Variants in CALHM5 observed in about 807,000 individuals in gnomAD.
CALHM5 encodes the protein calcium homeostasis modulator protein 5.
CALHM5 carries 17 observed loss-of-function variants against 20.9 expected under a neutral mutation model. The ratio of observed to expected loss-of-function variants is 0.82; its 90% CI spans 0.56 to 1.22. The LOEUF (loss-of-function observed/expected upper bound fraction) is 1.22. Ranked by LOEUF, CALHM5 falls within the 50% of genes most tolerant of loss-of-function variation. The probability of loss-of-function intolerance (pLI) is 0.00; values close to 1 mark genes in which losing one functional copy is unlikely to be tolerated. For synonymous variants in CALHM5, 148 were observed against 140.0 expected (o/e 1.06, Z -0.40); for missense variants, 360 against 364.6 (o/e 0.99, Z 0.10).
Position 116,517,242 on chromosome 6 carries a change from C to G in CALHM5, c.*1253C>G, listed in dbSNP as rs566112766. 6.6e-6 allele frequency: 1 copy of G among 152,058 alleles called. No homozygotes were observed. The highest frequency in any genetic ancestry group is 1.5e-5 in the Non-Finnish European group (1 of 68,030). The allele number at this position is 152,058 out of a possible 1,614,324, so 9.4% of individuals were successfully genotyped here. ...ATTGGGGGAGACACAAACATTCAGA[C>G]TATAGTAGGGTAAATTGACCTTGGC... On this transcript the variant is annotated 3_prime_UTR_variant, in exon 2 of 2. Transcript: ENST00000368599.
In CALHM5 at chr6:116,517,241, A is replaced by G. The variant is rs1375759167; in HGVS notation, c.*1252A>G. The G allele has an allele frequency of 6.6e-6, 1 of 152,120 alleles. No homozygotes were observed. Among genetic ancestry groups the G allele is most frequent in the Non-Finnish European group, 1.5e-5 (1 of 68,034 alleles). 9.4% of individuals were successfully genotyped at this position (152,120 alleles called of 1,614,324 possible). A position where few individuals can be genotyped will look rare whatever the true frequency, so the allele number is the denominator to read the frequency against. ...AATTGGGGGAGACACAAACATTCAG[A>G]CTATAGTAGGGTAAATTGACCTTGG... On this transcript the variant is annotated 3_prime_UTR_variant, in exon 2 of 2. Transcript: ENST00000368599.
chr6:116,515,876 C>T lies in CALHM5; in HGVS notation c.817C>T (p.Gln273Ter). The T allele has an allele frequency of 1.2e-6, 2 of 1,613,910 alleles. No homozygotes were observed. The highest frequency in any genetic ancestry group is 1.7e-6 in the Non-Finnish European group (2 of 1,179,908). ...EAASELHSFH[Q>*]SQQHYSTLHR... ...TGCTTCAGAGCTGCATTCTTTCCACCAAAGCCAGCAACACTATAGCACCCT... is the reference window on the plus strand; with the variant it reads ...TGCTTCAGAGCTGCATTCTTTCCACTAAAGCCAGCAACACTATAGCACCCT... The change falls in exon 2 of 2, where the codon CAA (glutamine) becomes TAA (stop). Residue 273 changes from glutamine to a stop codon, truncating the protein, a stop_gained. Coordinates refer to ENST00000368599, the MANE Select transcript of CALHM5 (RefSeq NM_153711.5). LOFTEE classifies it low-confidence loss of function (END_TRUNC).
At position 116,511,894 on chromosome 6, in the gene CALHM5, A is replaced by G; in HGVS notation, c.198A>G (p.Gly66=). 6.2e-7 allele frequency: 1 copy of G among 1,613,912 alleles called. No homozygotes were observed. Among genetic ancestry groups the G allele is most frequent in the Non-Finnish European group, 8.5e-7 (1 of 1,179,968 alleles). Residue 66 remains glycine, a synonymous_variant, in exon 1 of 2, where the codon GGA becomes GGG. Transcript: ENST00000368599. The stretch of plus-strand genomic sequence containing the variant: ...CTGCCTGGGTGTTACTGATCCTGGG[A>G]TTCTTTCTGAACAATAGGTCGTGGA... ...FAPAWVLLIL[G]FFLNNRSWRL...
Position 116,516,145 on chromosome 6 carries a change from G to A in CALHM5, c.*156G>A, listed in dbSNP as rs951073942. 39 of 1,019,840 alleles carry A rather than the reference G, an allele frequency of 3.8e-5. No homozygotes were observed. The highest frequency in any genetic ancestry group is 5.3e-5 in the Non-Finnish European group (39 of 741,514). 63.2% of individuals were successfully genotyped at this position (1,019,840 alleles called of 1,614,324 possible). A position where few individuals can be genotyped will look rare whatever the true frequency, so the allele number is the denominator to read the frequency against. ...AAGGAAACTGCTTTGAAGCTCTCAAGTGGAACATCAGGATGTGCTCAAATT... is the reference window on the plus strand; with the variant it reads ...AAGGAAACTGCTTTGAAGCTCTCAAATGGAACATCAGGATGTGCTCAAATT... On this transcript the variant is annotated 3_prime_UTR_variant, in exon 2 of 2. Transcript: ENST00000368599.
At position 116,521,388 on chromosome 6, in the gene CALHM5, A is replaced by C. The variant is rs547194449; in HGVS notation, c.*5399A>C. On this transcript the variant is annotated 3_prime_UTR_variant, in exon 2 of 2. Coordinates refer to ENST00000368599, the MANE Select transcript of CALHM5 (RefSeq NM_153711.5). Reference sequence around the variant, plus strand: ...GAGAACCAGGGGAGTTGATGGTACAAATCCCAGAGCCAAAGGCAAAGGAAC... The same window carrying C: ...GAGAACCAGGGGAGTTGATGGTACACATCCCAGAGCCAAAGGCAAAGGAAC... The C allele has an allele frequency of 2.6e-5, 4 of 152,230 alleles. No individual in the cohort carries two copies. The highest frequency in any genetic ancestry group is 1.3e-4 in the Admixed American group (2 of 15,288). 9.4% of individuals were successfully genotyped at this position (152,230 alleles called of 1,614,324 possible).
Position 116,518,820 on chromosome 6 carries a change from A to G in CALHM5, c.*2831A>G, listed in dbSNP as rs1772279227. 1 of 152,224 alleles carries G rather than the reference A, an allele frequency of 6.6e-6. No individual in the cohort carries two copies. Among genetic ancestry groups the G allele is most frequent in the Admixed American group, 6.5e-5 (1 of 15,276 alleles). 9.4% of individuals were successfully genotyped at this position (152,224 alleles called of 1,614,324 possible). ...CATGACAATGACTGCCTCATTCAAG[A>G]AAACCCAAGCTGACTGGCAAGAAGC... On this transcript the variant is annotated 3_prime_UTR_variant, in exon 2 of 2. Coordinates refer to ENST00000368599, the MANE Select transcript of CALHM5 (RefSeq NM_153711.5).
rs1449990091 is a variant in CALHM5, at chr6:116,523,439, T to C, written c.*7450T>C. ...TGTCTGAGTACGTGAAAAGCTATTG[T>C]CTTATGCTTATTAATTTTATCTCTC... On this transcript the variant is annotated 3_prime_UTR_variant, in exon 2 of 2. Transcript: ENST00000368599. 6.6e-6 allele frequency: 1 copy of C among 152,258 alleles called. No homozygotes were observed. Among genetic ancestry groups the C allele is most frequent in the Non-Finnish European group, 1.5e-5 (1 of 68,042 alleles). The allele number at this position is 152,258 out of a possible 1,614,324, so 9.4% of individuals were successfully genotyped here.
Position 116,516,964 on chromosome 6 carries a change from G to T in CALHM5, c.*975G>T, listed in dbSNP as rs1772240881. ...ACAAAATAGAAATTTATTTCTCACAGTTCTGGAGGCTGGGAAGTCCGAGGT... is the reference window on the plus strand; with the variant it reads ...ACAAAATAGAAATTTATTTCTCACATTTCTGGAGGCTGGGAAGTCCGAGGT... On this transcript the variant is annotated 3_prime_UTR_variant, in exon 2 of 2. Coordinates refer to ENST00000368599, the MANE Select transcript of CALHM5 (RefSeq NM_153711.5). 3 of 153,008 alleles carry T rather than the reference G, an allele frequency of 2.0e-5. No individual in the cohort carries two copies. The Admixed American group carries it at 2.0e-4, about 10-fold the overall frequency. 9.5% of individuals were successfully genotyped at this position (153,008 alleles called of 1,614,324 possible).
At position 116,520,065 on chromosome 6, in the gene CALHM5, T is replaced by A. The variant is rs1562342215; in HGVS notation, c.*4076T>A. Reference sequence around the variant, plus strand: ...AAATATATGTGTCCAAAGCAACTTTTAAAATTTTTGTATGGTTTTCTACTT... The same window carrying A: ...AAATATATGTGTCCAAAGCAACTTTAAAAATTTTTGTATGGTTTTCTACTT... On this transcript the variant is annotated 3_prime_UTR_variant, in exon 2 of 2. Transcript: ENST00000368599. 1 of 152,228 alleles carries A rather than the reference T, an allele frequency of 6.6e-6. No individual in the cohort carries two copies. The highest frequency in any genetic ancestry group is 1.5e-5 in the Non-Finnish European group (1 of 68,040). The allele number at this position is 152,228 out of a possible 1,614,324, so 9.4% of individuals were successfully genotyped here.
chr6:116,514,382 G>GTA (rs1772181821), intron 1 of CALHM5, among the ~76,000 whole-genome samples: 1 of 152,184 alleles, frequency 6.6e-6, no homozygotes, highest in African/African-American at 2.4e-5. Context: ...TCACTTGATG[G>GTA]TAGTTGTGCC....
chr6:116,511,828 C>A lies in CALHM5; in HGVS notation c.132C>A (p.Ser44Arg). ...FSVVAFKCPC[S>R]TENMTYGLVF... ...TTGTGGCTTTTAAGTGCCCCTGCAGCACTGAGAATATGACCTATGGGCTGG... is the reference window on the plus strand; with the variant it reads ...TTGTGGCTTTTAAGTGCCCCTGCAGAACTGAGAATATGACCTATGGGCTGG... The change falls in exon 1 of 2, where the codon AGC becomes AGA. Residue 44 changes from serine (S) to arginine (R), a missense_variant. Coordinates refer to ENST00000368599, the MANE Select transcript of CALHM5 (RefSeq NM_153711.5). 6.2e-7 allele frequency: 1 copy of A among 1,614,078 alleles called. No homozygotes were observed. Among genetic ancestry groups the A allele is most frequent in the Non-Finnish European group, 8.5e-7 (1 of 1,180,002 alleles).
chr6:116,515,488 G>T (rs1266093595), intron 1 of CALHM5, 112 bp from the exon 2 acceptor site: 11 of 1,088,322 alleles, frequency 1.0e-5, no homozygotes, highest in Non-Finnish European at 1.4e-5. Context: ...GATTTCAAAT[G>T]AGGTATGTCA....
Position 116,515,507 on chromosome 6 carries a change from G to A in CALHM5, c.541-93G>A, listed in dbSNP as rs937797479. 7.8e-6 allele frequency: 10 copies of A among 1,282,360 alleles called. No homozygotes were observed. The African/African-American group carries it at 1.2e-4, about 15-fold the overall frequency. The allele number at this position is 1,282,360 out of a possible 1,614,324, so 79.4% of individuals were successfully genotyped here. On this transcript the variant is annotated intron_variant, in intron 1 of 1. Transcript: ENST00000368599. ...TCAAATGAGGTATGTCAAAGACTGTGGTAATAATTTAGCTATACACTTCTC... is the reference window on the plus strand; with the variant it reads ...TCAAATGAGGTATGTCAAAGACTGTAGTAATAATTTAGCTATACACTTCTC...
chr6:116,516,708 T>TATATAC lies in CALHM5; in HGVS notation c.*720_*721insTATACA, dbSNP rs1198977627. On this transcript the variant is annotated 3_prime_UTR_variant, in exon 2 of 2. Coordinates refer to ENST00000368599, the MANE Select transcript of CALHM5 (RefSeq NM_153711.5). ...ATATATATATATATATATATATATA[T>TATATAC]ACACACACACAGAAATATATATTTA... 1 of 119,646 alleles carries TATATAC rather than the reference T, an allele frequency of 8.4e-6. No individual in the cohort carries two copies. Among genetic ancestry groups the TATATAC allele is most frequent in the South Asian group, 2.8e-4 (1 of 3,618 alleles). The allele number at this position is 119,646 out of a possible 1,614,324, so 7.4% of individuals were successfully genotyped here.
chr6:116,515,497 C>CAA (rs1772203932), intron 1 of CALHM5, 103 bp from the exon 2 acceptor site: 5 of 1,238,616 alleles, frequency 4.0e-6, no homozygotes, highest in Admixed American at 2.3e-5. Flanking sequence ...TGAGGTATGT[C>CAA]AAAGACTGTG....
chr6:116,514,586 T>C (rs982585886), intron 1 of CALHM5, among the ~76,000 whole-genome samples: 1 of 152,096 alleles, frequency 6.6e-6, no homozygotes, highest in Admixed American at 6.6e-5. Context: ...GTGAAGAAAC[T>C]GAGATAAAAA....
Position 116,518,916 on chromosome 6 carries a change from G to A in CALHM5, c.*2927G>A, listed in dbSNP as rs1418843864. 6.6e-6 allele frequency: 1 copy of A among 152,214 alleles called. No individual in the cohort carries two copies. The highest frequency in any genetic ancestry group is 1.5e-5 in the Non-Finnish European group (1 of 68,034). 9.4% of individuals were successfully genotyped at this position (152,214 alleles called of 1,614,324 possible). ...AGCTCATCCTCCTCCTCTGGAAGAA[G>A]CCACTTAACAGGTTCTCATCCTGAC... On this transcript the variant is annotated 3_prime_UTR_variant, in exon 2 of 2. Transcript: ENST00000368599.
intron 1 of CALHM5, among the ~76,000 whole-genome samples, chr6:116,513,954 T>C (rs1772173888): frequency 6.6e-6 from 1 of 152,196 alleles, no homozygotes; most frequent in African/African-American, 2.4e-5. Context: ...TTCTCATAGT[T>C]AGTGGTAATA....
rs1440403316 is a variant in CALHM5, at chr6:116,517,139, A to G, written c.*1150A>G. 6.6e-6 allele frequency: 1 copy of G among 152,086 alleles called. No individual in the cohort carries two copies. The highest frequency in any genetic ancestry group is 1.5e-5 in the Non-Finnish European group (1 of 68,022). 9.4% of individuals were successfully genotyped at this position (152,086 alleles called of 1,614,324 possible). A position where few individuals can be genotyped will look rare whatever the true frequency, so the allele number is the denominator to read the frequency against. On this transcript the variant is annotated 3_prime_UTR_variant, in exon 2 of 2. Transcript: ENST00000368599. ...CACTAATCCCATTCCTGGAGGCTCC[A>G]CCTTCATGACCCAATTACTTCTCAA...
Sources: allele counts gnomAD v4.1 joint callset (sites outside exome capture counted in the v4.1 genomes callset), GRCh38; gene constraint gnomAD v4.1.1; transcripts MANE v1.5; gene names NCBI Gene and HGNC (gene_info 2026-07-23, HGNC 2026-07-21).